Variants in MBD5 observed in about 807,000 individuals in gnomAD.
MBD5 encodes methyl-CpG binding domain protein 5.
MBD5 carries 13 observed loss-of-function variants against 117.3 expected under a neutral mutation model. That is an observed-to-expected ratio of 0.11 (90% confidence interval 0.07 to 0.18). MBD5 has a LOEUF of 0.18. Ranked by LOEUF, MBD5 falls within the 10% of genes least tolerant of loss-of-function variation. MBD5 has a pLI of 1.00. For missense variants in MBD5, 1,879 were observed against 2,093.8 expected (o/e 0.90, Z 2.00); for synonymous variants, 727 against 766.4 (o/e 0.95, Z 0.85).
chr2:148,405,990 G>T (rs1705065165), intron 4 of MBD5, among the ~76,000 whole-genome samples: 1 of 151,920 alleles, frequency 6.6e-6, no homozygotes, highest in African/African-American at 2.4e-5. Flanking sequence ...TGTTTAGTGT[G>T]CTGGTTATAT....
At chr2:148,294,511 T>TTTGTTTTTTTTTTTTTGTTTTGTTTTG (rs1701598914) in intron 3 of MBD5, among the ~76,000 whole-genome samples, 1 of 142,022 alleles carries the variant, frequency 7.0e-6, no homozygotes, top group African/African-American at 2.7e-5. Flanking sequence ...GTTTTTTTTT[T>TTTGTTTTTTTTTTTTTGTTTTGTTTTG]TTTTTTTTTT....
chr2:148,164,148 G>A (rs780618507), intron 1 of MBD5, among the ~76,000 whole-genome samples: 5 of 152,188 alleles, frequency 3.3e-5, no homozygotes, highest in Non-Finnish European at 7.3e-5. Flanking sequence ...AAAGGAGGAA[G>A]TTGGAACTTT....
At chr2:148,493,174 G>C (rs1681583428) in intron 11 of MBD5, among the ~76,000 whole-genome samples, 1 of 152,098 alleles carries the variant, frequency 6.6e-6, no homozygotes, top group Admixed American at 6.5e-5. Context: ...GTGCAATGTG[G>C]GATCATTTTC....
intron 1 of MBD5, among the ~76,000 whole-genome samples, chr2:148,093,590 T>C (rs1436220518): frequency 1.3e-5 from 2 of 152,224 alleles, no homozygotes; most frequent in Admixed American, 1.3e-4. Flanking sequence ...TTTTGAATAA[T>C]TGTAGCCCTG....
At chr2:148,136,096 C>T (rs774897881) in intron 1 of MBD5, among the ~76,000 whole-genome samples, 11 of 152,112 alleles carry the variant, frequency 7.2e-5, no homozygotes, top group Non-Finnish European at 1.5e-4. Flanking sequence ...TGGTGGGTGT[C>T]AGAGTTGGGA....
chr2:148,271,117 T>C (rs1700975978), intron 3 of MBD5, among the ~76,000 whole-genome samples: 6 of 152,186 alleles, frequency 3.9e-5, no homozygotes, highest in Admixed American at 6.5e-5. Flanking sequence ...GAGTCTGTAA[T>C]TGATGTTTCA....
intron 4 of MBD5, among the ~76,000 whole-genome samples, chr2:148,401,797 G>C (rs923174910): frequency 3.3e-5 from 5 of 151,838 alleles, no homozygotes; most frequent in African/African-American, 1.2e-4. Flanking sequence ...ATCTTTTTCA[G>C]GATCCAATCC....
intron 4 of MBD5, among the ~76,000 whole-genome samples, chr2:148,453,137 A>G (rs575267484): frequency 2.7e-5 from 4 of 150,464 alleles, no homozygotes; most frequent in Non-Finnish European, 5.9e-5. Flanking sequence ...ACACAAACAA[A>G]TGATAAACAG....
intron 1 of MBD5, among the ~76,000 whole-genome samples, chr2:148,129,503 A>T (rs1419179694): frequency 6.6e-6 from 1 of 152,164 alleles, no homozygotes; most frequent in Non-Finnish European, 1.5e-5. Flanking sequence ...ATCAAAAAGA[A>T]AAAAGAAATA....
intron 1 of MBD5, among the ~76,000 whole-genome samples, chr2:148,115,183 C>G (rs1040264748): frequency 1.3e-5 from 2 of 152,040 alleles, no homozygotes; most frequent in Non-Finnish European, 2.9e-5. Flanking sequence ...TCATTTAGAT[C>G]ATTTTTCTTT....
intron 1 of MBD5, chr2:148,054,353 A>G (rs1694800760): frequency 6.6e-6 from 1 of 152,230 alleles, no homozygotes; most frequent in South Asian, 2.1e-4. Flanking sequence ...TGAAATTTTA[A>G]AAGTTAGTTA....
At chr2:148,178,200 T>C (rs1437481188) in intron 1 of MBD5, among the ~76,000 whole-genome samples, 1 of 152,154 alleles carries the variant, frequency 6.6e-6, no homozygotes, top group Non-Finnish European at 1.5e-5. Context: ...AAGTACTGAC[T>C]GGGGAGATTT....
At chr2:148,161,361 G>C (rs1375718739) in intron 1 of MBD5, among the ~76,000 whole-genome samples, 4 of 152,140 alleles carry the variant, frequency 2.6e-5, no homozygotes, top group African/African-American at 9.7e-5. Context: ...GGGATGCTGG[G>C]ATCTGGATCT....
chr2:148,091,777 G>A (rs1695949772), intron 1 of MBD5, among the ~76,000 whole-genome samples: 1 of 152,052 alleles, frequency 6.6e-6, no homozygotes, highest in Admixed American at 6.6e-5. Context: ...GAACCCAAAA[G>A]CAAATGCAAC....
At chr2:148,386,380 A>G (rs1704361733) in intron 4 of MBD5, among the ~76,000 whole-genome samples, 2 of 152,198 alleles carry the variant, frequency 1.3e-5, no homozygotes, top group Admixed American at 1.3e-4. Context: ...TGATTAAAAA[A>G]GGGAAGCACA....
At chr2:148,433,662 G>A (rs73017198) in intron 4 of MBD5, among the ~76,000 whole-genome samples, 2,143 of 152,242 alleles carry the variant, frequency 0.014, 63 homozygotes, top group African/African-American at 0.05. Context: ...TTATTGACTT[G>A]CATATGTGGA....
At chr2:148,034,354 G>A (rs760277143) in intron 1 of MBD5, among the ~76,000 whole-genome samples, 6 of 152,094 alleles carry the variant, frequency 3.9e-5, no homozygotes, top group Admixed American at 6.6e-5. Flanking sequence ...TTAGCGAAGC[G>A]TATTCCAAGG....
intron 1 of MBD5, among the ~76,000 whole-genome samples, chr2:148,143,309 T>C (rs1382424053): frequency 1.3e-5 from 2 of 152,132 alleles, no homozygotes; most frequent in Non-Finnish European, 2.9e-5. Flanking sequence ...CATTTAGAAA[T>C]AGGCTAGTCC....
chr2:148,401,563 T>A (rs1341896726), intron 4 of MBD5, among the ~76,000 whole-genome samples: 1 of 152,170 alleles, frequency 6.6e-6, no homozygotes, highest in Admixed American at 6.5e-5. Context: ...TGTCTGAGCT[T>A]ATGATTTATT....
Sources: gnomAD v4.1 joint callset for allele counts (sites outside exome capture counted in the v4.1 genomes callset) on GRCh38, gnomAD v4.1.1 for gene constraint, MANE v1.5 for transcripts, NCBI Gene and HGNC (gene_info 2026-07-23, HGNC 2026-07-21) for gene names.